The following GLG1 variants were observed in gnomAD, a reference collection of about 807,000 sequenced individuals.
GLG1 encodes the protein golgi glycoprotein 1.
Under a neutral mutation model 160.5 loss-of-function variants are expected in GLG1, and 38 were observed. The observed-to-expected ratio is 0.24, with a 90% CI of 0.18 to 0.31. The LOEUF (loss-of-function observed/expected upper bound fraction) is 0.31, where lower values mean the gene tolerates loss of function less well. Ranked by LOEUF, GLG1 falls within the 10% of genes least tolerant of loss-of-function variation. The pLI, the probability that GLG1 is intolerant of heterozygous loss-of-function variation, is 1.00. For missense variants in GLG1, 1,373 were observed against 1,505.2 expected (o/e 0.91, Z 1.45); for synonymous variants, 644 against 543.4 (o/e 1.19, Z -2.57).
rs375706285 is a variant in GLG1, at chr16:74,465,665, C to A, written c.2667+11G>T. 6.2e-7 allele frequency: 1 copy of A among 1,612,130 alleles called. No homozygotes were observed. The highest frequency in any genetic ancestry group is 1.7e-4 in the Middle Eastern group (1 of 6,018). On this transcript the variant is annotated intron_variant, in intron 19 of 25. Coordinates refer to ENST00000422840, the MANE Select transcript of GLG1 (RefSeq NM_001145667.2). Reference sequence around the variant, plus strand: ...TTCATCCGTGCTCGGCCTTTGGTGTCGGCTTCTCACCTTTATCATCTGCTT... The same window carrying A: ...TTCATCCGTGCTCGGCCTTTGGTGTAGGCTTCTCACCTTTATCATCTGCTT...
At position 74,491,189 on chromosome 16, in the gene GLG1, C is replaced by G. The variant is rs1422632481; in HGVS notation, c.1261G>C (p.Gly421Arg). The G allele has an allele frequency of 1.9e-6, 3 of 1,613,826 alleles. No homozygotes were observed. The highest frequency in any genetic ancestry group is 2.2e-5 in the East Asian group (1 of 44,896). The change falls in exon 8 of 26, where the codon GGG becomes CGG. Residue 421 changes from glycine to arginine, a missense_variant. Gly to Arg is a moderately radical substitution (Grantham distance 125, BLOSUM62 -2). Around this residue, in one of 4 missense-constraint regions of GLG1, gnomAD observed 386 missense variants for 388.5 expected, o/e 0.99. Transcript: ENST00000422840. Reference protein sequence around the residue: ...RGRQVSSECQGEMLDYRRMLM... With the variant: ...RGRQVSSECQREMLDYRRMLM... ...ATGCGTCGGTAATCCAGCATCTCCC[C>G]CTGGCACTCACTGCTGACTTGTCGC...
At chr16:74,481,794 T>C (rs2015607963) in intron 10 of GLG1, among the ~76,000 whole-genome samples, 1 of 145,702 alleles carries the variant, frequency 6.9e-6, no homozygotes, top group Non-Finnish European at 1.6e-5. Context: ...TGAATCTCCT[T>C]TTTTTTTTGA....
chr16:74,503,413 T>C, intron 4 of GLG1, 118 bp downstream of exon 4: 1 of 715,284 alleles, frequency 1.4e-6, no homozygotes, highest in East Asian at 2.5e-5. Context: ...TGGACAAGTT[T>C]CTTCAATTTC....
rs575547291 is a variant in GLG1 at position 74,463,287 on chromosome 16, TCA to T, written c.2791+67_2791+68del. The T allele has an allele frequency of 1.1e-4, 159 of 1,493,800 alleles. No homozygotes were observed. In the African/African-American group the frequency reaches 2.0e-3, roughly 19 times the overall value. 92.5% of individuals were successfully genotyped at this position (1,493,800 alleles called of 1,614,324 possible). On this transcript the variant is annotated intron_variant, in intron 20 of 25. Transcript: ENST00000422840. ...ACAAAGCCCTGGGAGTTTGAGCAGG[TCA>T]CTCTACAGCCACTGAATTCCTTTTC...
intron 1 of GLG1, among the ~76,000 whole-genome samples, chr16:74,573,571 T>C (rs1328756112): frequency 1.4e-5 from 2 of 147,318 alleles, no homozygotes; most frequent in Admixed American, 7.2e-5. Flanking sequence ...TCCCCTTTTA[T>C]TTATCTTGCC....
intron 1 of GLG1, among the ~76,000 whole-genome samples, chr16:74,572,636 C>T (rs1204014699): frequency 1.3e-5 from 2 of 152,202 alleles, no homozygotes. Context: ...ATAGAAGCTC[C>T]TTGCCCCTTC....
At chr16:74,540,242 C>T (rs2017825254) in intron 1 of GLG1, among the ~76,000 whole-genome samples, 1 of 136,604 alleles carries the variant, frequency 7.3e-6, no homozygotes, top group Non-Finnish European at 1.5e-5. Flanking sequence ...TTTATTAATC[C>T]ATGAATATAA....
At chr16:74,471,145 G>A (rs2015194149) in intron 15 of GLG1, 28 bp downstream of exon 15, 1 of 1,108,134 alleles carries the variant, frequency 9.0e-7, no homozygotes, top group African/African-American at 1.5e-5. Context: ...CAGCTATGAT[G>A]GGATATTGGC....
chr16:74,606,571 C>A, intron 1 of GLG1, 86 bp downstream of exon 1: 1 of 1,159,340 alleles, frequency 8.6e-7, no homozygotes, highest in South Asian at 1.5e-5. Context: ...GGAAAGCAGC[C>A]GACCGGCGTC....
intron 1 of GLG1, among the ~76,000 whole-genome samples, chr16:74,558,922 C>T (rs1360077391): frequency 6.6e-6 from 1 of 152,206 alleles, no homozygotes; most frequent in African/African-American, 2.4e-5. Flanking sequence ...GGGTCTCACT[C>T]CGTCACCCAG....
chr16:74,557,670 T>C (rs1275124502), intron 1 of GLG1, among the ~76,000 whole-genome samples: 3 of 151,960 alleles, frequency 2.0e-5, no homozygotes, highest in Non-Finnish European at 2.9e-5. Flanking sequence ...CAGAAGACCA[T>C]ATCCCAGAAG....
At position 74,453,230 on chromosome 16, in the gene GLG1, G is replaced by T. The variant is rs1280777288; in HGVS notation, c.3477C>A (p.Phe1159Leu). 1 of 1,613,914 alleles carries T rather than the reference G, an allele frequency of 6.2e-7. No individual in the cohort carries two copies. Among genetic ancestry groups the T allele is most frequent in the Admixed American group, 1.7e-5 (1 of 60,008 alleles). Residue 1159 changes from phenylalanine to leucine, a missense_variant, in exon 26 of 26, where the codon TTC (phenylalanine) becomes TTA (leucine). Phe to Leu is a conservative substitution (Grantham distance 22). Around this residue, in one of 4 missense-constraint regions of GLG1, gnomAD observed 491 missense variants for 632.1 expected, o/e 0.78. Coordinates refer to ENST00000422840, the MANE Select transcript of GLG1 (RefSeq NM_001145667.2). ...TCCGTCCACACATCAGGCCAATCAG[G>T]AACAATATACAGATGCTCCCACTGA... ...SVISGSICILFLIGLMCGRIT... is the reference protein window; with the variant it reads ...SVISGSICILLLIGLMCGRIT...
chr16:74,544,505 GT>G (rs1419951339), intron 1 of GLG1, among the ~76,000 whole-genome samples: 4 of 151,176 alleles, frequency 2.6e-5, no homozygotes, highest in Non-Finnish European at 5.9e-5. Context: ...TTTTGTTGTT[GT>G]TTGTTTGGTT....
chr16:74,524,245 A>G (rs530267508), intron 2 of GLG1, among the ~76,000 whole-genome samples: 165 of 152,156 alleles, frequency 1.1e-3, no homozygotes, highest in African/African-American at 3.5e-3. Context: ...TGACAGCTCA[A>G]TTTTTTCCTT....
intron 1 of GLG1, among the ~76,000 whole-genome samples, chr16:74,542,419 G>A (rs2017896631): frequency 6.6e-6 from 1 of 152,048 alleles, no homozygotes; most frequent in African/African-American, 2.4e-5. Flanking sequence ...TGTAATTCCA[G>A]CACTTTCGGA....
intron 2 of GLG1, among the ~76,000 whole-genome samples, chr16:74,530,762 G>A (rs775930337): frequency 5.3e-5 from 8 of 151,850 alleles, no homozygotes; most frequent in Non-Finnish European, 8.8e-5. Flanking sequence ...TCAGCCTCCC[G>A]AGTAGTTGGG....
chr16:74,502,103 T>C (rs557481810), intron 4 of GLG1, among the ~76,000 whole-genome samples: 1 of 152,300 alleles, frequency 6.6e-6, no homozygotes, highest in East Asian at 1.9e-4. Context: ...CTGCCAACCA[T>C]GAACAAATAG....
At chr16:74,557,330 C>G (rs986906021) in intron 1 of GLG1, among the ~76,000 whole-genome samples, 6 of 152,056 alleles carry the variant, frequency 3.9e-5, no homozygotes, top group African/African-American at 1.4e-4. Flanking sequence ...CTGTGAGACT[C>G]AATTAAAGGA....
chr16:74,503,458 T>A, intron 4 of GLG1, 73 bp downstream of exon 4: 1 of 1,010,588 alleles, frequency 9.9e-7, no homozygotes, highest in Non-Finnish European at 1.6e-6. Flanking sequence ...ATTTTTCCCA[T>A]GTCAGTTATA....
Sources: allele counts gnomAD v4.1 joint callset (sites outside exome capture counted in the v4.1 genomes callset), GRCh38; gene constraint gnomAD v4.1.1; regional missense constraint gnomAD v4.1.1; transcripts MANE v1.5; gene names NCBI Gene and HGNC (gene_info 2026-07-23, HGNC 2026-07-21).